The following HDLBP variants were observed in gnomAD, a reference collection of about 807,000 sequenced individuals.
The protein encoded by HDLBP is high density lipoprotein binding protein, also known as vigilin.
A neutral mutation model predicts 137.3 loss-of-function variants in HDLBP; 30 were observed. That is an observed-to-expected ratio of 0.22 (90% CI 0.16 to 0.30). The LOEUF is 0.30. Among genes scored for constraint, HDLBP ranks in the 10% least tolerant of loss-of-function variants. The pLI is 1.00. For synonymous variants in HDLBP, 606 were observed against 596.0 expected (o/e 1.02, Z -0.24); for missense variants, 1,119 against 1,667.3 (o/e 0.67, Z 5.73).
intron 27 of HDLBP, 49 bp downstream of exon 27, chr2:241,229,784 G>GGGGCC: frequency 1.3e-6 from 2 of 1,502,546 alleles, no homozygotes; most frequent in South Asian, 1.2e-5. Context: ...AAGCCCGCCT[G>GGGGCC]CCCGCCCACC....
At chr2:241,287,361 T>C (rs113064849) in intron 1 of HDLBP, among the ~76,000 whole-genome samples, 28 of 151,718 alleles carry the variant, frequency 1.8e-4, no homozygotes, top group African/African-American at 6.8e-4. Flanking sequence ...CACCCGCCTG[T>C]CTCCCAAAGT....
chr2:241,250,847 GAAGAC>G (rs1353901152), intron 11 of HDLBP: 3 of 152,288 alleles, frequency 2.0e-5, no homozygotes, highest in Middle Eastern at 3.4e-3. Flanking sequence ...GATTACGAAA[GAAGAC>G]AAGAGTTAGG....
chr2:241,256,280 G>A lies in HDLBP; in HGVS notation c.777C>T (p.Pro259=). The A allele has an allele frequency of 6.2e-7, 1 of 1,614,168 alleles. No homozygotes were observed. Among genetic ancestry groups the A allele is most frequent in the South Asian group, 1.1e-5 (1 of 91,086 alleles). The stretch of plus-strand genomic sequence containing the variant: ...TCTCTGTCCGGTTCACGCTGGGTGG[G>A]GGGATGTTGATGCGCGTGCCTGTCT... ...MQETGTRINI[P]PPSVNRTEIV... Residue 259 remains proline (P), a synonymous_variant, in exon 7 of 28, where the codon CCC becomes CCT. Transcript: ENST00000310931.
intron 9 of HDLBP, 71 bp from the exon 10 acceptor site, chr2:241,253,568 A>G: frequency 9.3e-7 from 1 of 1,078,284 alleles, no homozygotes; most frequent in South Asian, 1.3e-5. Context: ...TCCCAGTGGG[A>G]GCTCTCTTCG....
chr2:241,259,293 G>A (rs936295700), intron 5 of HDLBP, among the ~76,000 whole-genome samples: 1 of 152,190 alleles, frequency 6.6e-6, no homozygotes, highest in Non-Finnish European at 1.5e-5. Flanking sequence ...AGGAATGGCC[G>A]CCTGCAAAGG....
At chr2:241,314,098 T>A (rs908393592) in intron 1 of HDLBP, among the ~76,000 whole-genome samples, 1 of 152,208 alleles carries the variant, frequency 6.6e-6, no homozygotes, top group African/African-American at 2.4e-5. Flanking sequence ...ACTTGATAGG[T>A]TGATGTTTCA....
chr2:241,254,633 C>G (rs1160035241), intron 9 of HDLBP, among the ~76,000 whole-genome samples: 1 of 151,986 alleles, frequency 6.6e-6, no homozygotes, highest in East Asian at 1.9e-4. Context: ...CACAGGTGCC[C>G]GCCACCAAGC....
chr2:241,264,948 T>C (rs2073536230), intron 3 of HDLBP, among the ~76,000 whole-genome samples: 1 of 152,174 alleles, frequency 6.6e-6, no homozygotes, highest in South Asian at 2.1e-4. Context: ...CCTTGCTACG[T>C]CAATTTTTAA....
chr2:241,234,319 T>C (rs1177759118), intron 23 of HDLBP, among the ~76,000 whole-genome samples: 1 of 152,168 alleles, frequency 6.6e-6, no homozygotes, highest in African/African-American at 2.4e-5. Context: ...CGCACAGAAA[T>C]GCTCTGGATC....
At chr2:241,234,718 G>C (rs1477005208) in intron 23 of HDLBP, among the ~76,000 whole-genome samples, 1 of 152,198 alleles carries the variant, frequency 6.6e-6, no homozygotes, top group Non-Finnish European at 1.5e-5. Context: ...TTTCATCCCT[G>C]CTTACCAGGA....
chr2:241,302,175 T>C (rs1051734962), intron 1 of HDLBP, among the ~76,000 whole-genome samples: 6 of 152,116 alleles, frequency 3.9e-5, no homozygotes, highest in African/African-American at 1.4e-4. Flanking sequence ...AAAGGATCAT[T>C]TGAGCCCAGG....
chr2:241,283,507 C>T (rs1378935052), intron 1 of HDLBP, among the ~76,000 whole-genome samples: 1 of 150,672 alleles, frequency 6.6e-6, no homozygotes, highest in East Asian at 1.9e-4. Flanking sequence ...CAGAGTCTCG[C>T]TCTATGGCCC....
Position 241,272,228 on chromosome 2 carries a change from C to A in HDLBP, c.-102-3687G>T. On this transcript the variant is annotated intron_variant, in intron 1 of 27. Transcript: ENST00000310931. This position sits in a 1 kb window ranked among gnomAD's most constrained non-coding sequence, Gnocchi z 5.6. Reference sequence around the variant, plus strand: ...TGCGGGGGCCCCGCCGCCCGGTCTGCGCCCAGACCCCCGCCCCGCCGCCAC... The same window carrying A: ...TGCGGGGGCCCCGCCGCCCGGTCTGAGCCCAGACCCCCGCCCCGCCGCCAC... The A allele has an allele frequency of 1.0e-6, 1 of 971,712 alleles. No homozygotes were observed. The highest frequency in any genetic ancestry group is 1.2e-6 in the Non-Finnish European group (1 of 817,454). 60.2% of individuals were successfully genotyped at this position (971,712 alleles called of 1,614,324 possible).
intron 1 of HDLBP, among the ~76,000 whole-genome samples, chr2:241,304,780 C>G (rs1207334185): frequency 3.3e-5 from 5 of 152,188 alleles, no homozygotes; most frequent in South Asian, 2.1e-4. Flanking sequence ...CCCTTTGACC[C>G]TGAGCTTTAG....
At position 241,249,964 on chromosome 2, in the gene HDLBP, G is replaced by A. The variant is rs35168887; in HGVS notation, c.1389C>T (p.Asp463=). 3,426 of 1,605,412 alleles carry A rather than the reference G, an allele frequency of 2.1e-3. 48 individuals are homozygous for A. In the African/African-American group the frequency reaches 0.039, roughly 18 times the overall value. ...GGATGCGCACGGACACCTTGTACTG[G>A]TCTTTGATTCTGTTTACTTAGGAAC... is the stretch of plus-strand genomic sequence containing the variant. The part of the protein sequence containing the change: ...KSGANINRIK[D]QYKVSVRIPP... The change falls in exon 12 of 28, where the codon GAC becomes GAT. Residue 463 remains aspartate (D), a synonymous_variant. Transcript: ENST00000310931.
intron 1 of HDLBP, among the ~76,000 whole-genome samples, chr2:241,314,529 G>A (rs2075925093): frequency 6.6e-6 from 1 of 152,186 alleles, no homozygotes; most frequent in Non-Finnish European, 1.5e-5. Context: ...GCAAAACTGA[G>A]GGGCAAATCG....
intron 3 of HDLBP, among the ~76,000 whole-genome samples, chr2:241,265,167 C>T (rs977764227): frequency 6.6e-6 from 1 of 152,182 alleles, no homozygotes; most frequent in African/African-American, 2.4e-5. Context: ...ACCTGTAATC[C>T]CAGCACTTTG....
At chr2:241,235,768 T>A in intron 21 of HDLBP, 174 bp from the exon 22 acceptor site, 1 of 576,608 alleles carries the variant, frequency 1.7e-6, no homozygotes, top group Non-Finnish European at 3.1e-6. Flanking sequence ...TAGGAAAAGA[T>A]TTGCATTAGG....
chr2:241,272,253 C>A lies in HDLBP; in HGVS notation c.-102-3712G>T. ...CGCCCAGACCCCCGCCCCGCCGCCA[C>A]CTGGGGGGAAGGACCCCGCTGGCCT... is the stretch of plus-strand genomic sequence containing the variant. On this transcript the variant is annotated intron_variant, in intron 1 of 27. Coordinates refer to ENST00000310931, the MANE Select transcript of HDLBP (RefSeq NM_005336.6). The surrounding 1 kb of genome is among the most constrained non-coding windows in gnomAD (Gnocchi z 5.6). The A allele has an allele frequency of 2.1e-6, 2 of 968,692 alleles. No homozygotes were observed. The highest frequency in any genetic ancestry group is 1.8e-5 in the African/African-American group (1 of 56,926). 60.0% of individuals were successfully genotyped at this position (968,692 alleles called of 1,614,324 possible).
Sources: gnomAD v4.1 joint callset for allele counts (sites outside exome capture counted in the v4.1 genomes callset) on GRCh38, gnomAD v4.1.1 for gene constraint, Gnocchi (gnomAD v3.1) non-coding constraint, MANE v1.5 for transcripts, NCBI Gene and HGNC (gene_info 2026-07-23, HGNC 2026-07-21) for gene names.